The following CDH13 variants were observed in gnomAD, a reference collection of about 807,000 sequenced individuals.
The protein encoded by CDH13 is cadherin 13.
CDH13 carries 24 observed loss-of-function variants against 63.8 expected under a neutral mutation model. The ratio of observed to expected loss-of-function variants is 0.38; its 90% CI spans 0.27 to 0.53. The LOEUF (loss-of-function observed/expected upper bound fraction) is 0.53, where lower values mean the gene tolerates loss of function less well. Ranked by LOEUF, CDH13 falls within the 20% of genes least tolerant of loss-of-function variation. The probability of loss-of-function intolerance (pLI) is 0.85; values close to 1 mark genes in which losing one functional copy is unlikely to be tolerated. For missense variants in CDH13, 1,049 were observed against 903.1 expected, an observed-to-expected ratio of 1.16 and a Z score of -2.07; for synonymous variants, 503 against 355.3, an observed-to-expected ratio of 1.42 and a Z score of -4.67.
chr16:83,054,429 C>T lies in CDH13; in HGVS notation c.366+22211C>T, dbSNP rs541151433. Reference sequence around the variant, plus strand: ...TTGCATACAAGCACTGATATCTCAGCAGTTGACATAACTACACAGCTACTG... The same window carrying T: ...TTGCATACAAGCACTGATATCTCAGTAGTTGACATAACTACACAGCTACTG... On this transcript the variant is annotated intron_variant, in intron 3 of 13. Coordinates refer to ENST00000567109, the MANE Select transcript of CDH13 (RefSeq NM_001257.5). Among the ~76,000 whole-genome samples, 14 of 152,278 alleles carry T rather than the reference C, an allele frequency of 9.2e-5. No homozygotes were observed. In the South Asian group the frequency reaches 2.7e-3, roughly 29 times the overall value.
intron 5 of CDH13, among the ~76,000 whole-genome samples, chr16:83,306,822 A>G (rs938269022): frequency 6.6e-6 from 1 of 152,178 alleles, no homozygotes; most frequent in Admixed American, 6.5e-5. Context: ...TGGGAAGCAC[A>G]TGAAATTGGA....
chr16:83,713,202 C>T (rs1598553110), intron 10 of CDH13, among the ~76,000 whole-genome samples: 2 of 152,186 alleles, frequency 1.3e-5, no homozygotes, highest in South Asian at 4.1e-4. Context: ...AGGATTCTTC[C>T]AACCCTCTCT....
At chr16:83,439,085 C>T (rs1488114738) in intron 6 of CDH13, among the ~76,000 whole-genome samples, 1 of 152,148 alleles carries the variant, frequency 6.6e-6, no homozygotes, top group Non-Finnish European at 1.5e-5. Flanking sequence ...CAGCTTCTTC[C>T]AATAGCTATG....
chr16:83,088,143 C>G (rs2033706740), intron 3 of CDH13, among the ~76,000 whole-genome samples: 1 of 152,184 alleles, frequency 6.6e-6, no homozygotes, highest in Non-Finnish European at 1.5e-5. Flanking sequence ...CAGATGTGCA[C>G]TCACCTTTTG....
chr16:83,425,921 A>G (rs1361092118), intron 6 of CDH13, among the ~76,000 whole-genome samples: 1 of 152,162 alleles, frequency 6.6e-6, no homozygotes, highest in Non-Finnish European at 1.5e-5. Context: ...AACCACCCCA[A>G]TTAAGCTTGC....
At chr16:83,458,803 C>T (rs2073091858) in intron 6 of CDH13, among the ~76,000 whole-genome samples, 1 of 152,180 alleles carries the variant, frequency 6.6e-6, no homozygotes. Context: ...GATCGTGGGC[C>T]ACAGCACCGG....
intron 4 of CDH13, among the ~76,000 whole-genome samples, chr16:83,136,204 C>T (rs1276023275): frequency 1.3e-5 from 2 of 151,342 alleles, no homozygotes; most frequent in African/African-American, 4.9e-5. Flanking sequence ...TAGACTTTGT[C>T]TGGGCACGGT....
chr16:83,302,813 G>A (rs992593205), intron 5 of CDH13, among the ~76,000 whole-genome samples: 1 of 152,222 alleles, frequency 6.6e-6, no homozygotes, highest in East Asian at 1.9e-4. Flanking sequence ...AGGTGACACA[G>A]TGAGGTTGCT....
intron 1 of CDH13, among the ~76,000 whole-genome samples, chr16:82,714,577 G>A (rs1232551430): frequency 1.3e-5 from 2 of 151,646 alleles, no homozygotes; most frequent in Admixed American, 6.6e-5. Context: ...AGCTGGGTGT[G>A]TTGGCATACA....
At chr16:83,371,844 A>G (rs1421615933) in intron 6 of CDH13, among the ~76,000 whole-genome samples, 1 of 152,212 alleles carries the variant, frequency 6.6e-6, no homozygotes, top group Non-Finnish European at 1.5e-5. Flanking sequence ...AGTTGTCTAC[A>G]TTGCAGAAAG....
At chr16:83,103,652 C>T (rs2034625592) in intron 3 of CDH13, among the ~76,000 whole-genome samples, 1 of 152,180 alleles carries the variant, frequency 6.6e-6, no homozygotes, top group African/African-American at 2.4e-5. Flanking sequence ...GCTGGCTTCT[C>T]TAACTTACCA....
intron 1 of CDH13, among the ~76,000 whole-genome samples, chr16:82,742,673 G>C (rs2033985509): frequency 6.6e-6 from 1 of 152,142 alleles, no homozygotes; most frequent in Admixed American, 6.5e-5. Context: ...GGACTATAAA[G>C]GAAGATAAAG....
chr16:83,678,292 G>T lies in CDH13; in HGVS notation c.1369G>T (p.Gly457Cys). 1 of 1,613,892 alleles carries T rather than the reference G, an allele frequency of 6.2e-7. No homozygotes were observed. The highest frequency in any genetic ancestry group is 8.5e-7 in the Non-Finnish European group (1 of 1,179,882). Reference sequence around the variant, plus strand: ...CCCACTCGTACCCGACGTCTCCTACGGCCCCAGCTCCACAGCCACCGTCCA... The same window carrying T: ...CCCACTCGTACCCGACGTCTCCTACTGCCCCAGCTCCACAGCCACCGTCCA... ...EDPLVPDVSY[G>C]PSSTATVHIT... Residue 457 changes from glycine to cysteine, a missense_variant, in exon 10 of 14, where the codon GGC becomes TGC. Gly to Cys is a radical substitution (Grantham distance 159, BLOSUM62 -3). Coordinates refer to ENST00000567109, the MANE Select transcript of CDH13 (RefSeq NM_001257.5).
chr16:82,747,527 C>G (rs1472630495), intron 1 of CDH13, among the ~76,000 whole-genome samples: 1 of 152,178 alleles, frequency 6.6e-6, no homozygotes. Flanking sequence ...TACCTGAGAA[C>G]TTATTTGAAA....
chr16:83,119,268 T>G lies in CDH13; in HGVS notation c.367-6117T>G, dbSNP rs80232261. Among the ~76,000 whole-genome samples, 461 of 152,278 alleles carry G rather than the reference T, an allele frequency of 3.0e-3. 2 individuals are homozygous for G. The highest frequency in any genetic ancestry group is 0.011 in the African/African-American group (440 of 41,556). On this transcript the variant is annotated intron_variant, in intron 3 of 13. Coordinates refer to ENST00000567109, the MANE Select transcript of CDH13 (RefSeq NM_001257.5). ...ATGGTTACGTTCCTCCCTTTTCCCT[T>G]TTCCCTCTTCCCATAATCTGGGTTG...
intron 4 of CDH13, among the ~76,000 whole-genome samples, chr16:83,212,793 T>C (rs59027227): frequency 6.6e-6 from 1 of 152,102 alleles, no homozygotes; most frequent in African/African-American, 2.4e-5. Context: ...ATTCTCCCCC[T>C]ACCCTGATTT....
At chr16:83,446,976 C>A (rs187383821) in intron 6 of CDH13, among the ~76,000 whole-genome samples, 1 of 139,496 alleles carries the variant, frequency 7.2e-6, no homozygotes, top group East Asian at 2.2e-4. Context: ...ACCTAATGGT[C>A]ATGTACCTGC....
At chr16:82,881,816 A>G (rs1169101966) in intron 2 of CDH13, among the ~76,000 whole-genome samples, 1 of 152,060 alleles carries the variant, frequency 6.6e-6, no homozygotes, top group East Asian at 1.9e-4. Flanking sequence ...GCGATACGAT[A>G]GCATGTCACC....
intron 2 of CDH13, among the ~76,000 whole-genome samples, chr16:82,899,932 G>A (rs891655804): frequency 3.9e-5 from 6 of 152,190 alleles, no homozygotes; most frequent in Admixed American, 2.6e-4. Context: ...CGAGGGCAGA[G>A]CAGTTGCCAG....
Sources: gnomAD v4.1 joint callset for allele counts (sites outside exome capture counted in the v4.1 genomes callset) on GRCh38, gnomAD v4.1.1 for gene constraint, MANE v1.5 for transcripts, NCBI Gene and HGNC (gene_info 2026-07-23, HGNC 2026-07-21) for gene names.